NUDT18: variants seen among roughly 807,000 people sequenced by gnomAD.
The protein encoded by NUDT18 is 8-oxo-dGDP phosphatase NUDT18.
Under a neutral mutation model 27.6 loss-of-function variants are expected in NUDT18, and 26 were observed. That is an observed-to-expected ratio of 0.94 (90% confidence interval 0.69 to 1.31). The LOEUF is 1.31. Ranked by LOEUF, NUDT18 falls within the 50% of genes most tolerant of loss-of-function variation. The pLI is 0.00. For missense variants in NUDT18, 450 were observed against 433.4 expected (o/e 1.04, Z -0.34); for synonymous variants, 220 against 196.9 (o/e 1.12, Z -0.98).
At position 22,109,403 on chromosome 8, in the gene NUDT18, G is replaced by A. The variant is rs982181936; in HGVS notation, c.-103C>T. On this transcript the variant is annotated 5_prime_UTR_variant, in exon 1 of 3. Transcript: ENST00000611621. ...CCCGCTCCCAGTCCCTGCGGCAGCGGGCCGGGAGCTCACGAGAACGCGGAA... is the reference window on the plus strand; with the variant it reads ...CCCGCTCCCAGTCCCTGCGGCAGCGAGCCGGGAGCTCACGAGAACGCGGAA... 1 of 1,138,142 alleles carries A rather than the reference G, an allele frequency of 8.8e-7. No individual in the cohort carries two copies. Among genetic ancestry groups the A allele is most frequent in the Non-Finnish European group, 1.1e-6 (1 of 869,882 alleles). 70.5% of individuals were successfully genotyped at this position (1,138,142 alleles called of 1,614,324 possible).
At chr8:22,108,057 A>AG in intron 2 of NUDT18, 76 bp downstream of exon 2, 1 of 1,408,128 alleles carries the variant, frequency 7.1e-7, no homozygotes, top group East Asian at 2.5e-5. Flanking sequence ...CTGGCTGTAG[A>AG]GGGGCTCACC....
chr8:22,108,306 C>T lies in NUDT18; in HGVS notation c.203G>A (p.Arg68Gln), dbSNP rs777602373. The T allele has an allele frequency of 2.6e-5, 42 of 1,588,928 alleles. No individual in the cohort carries two copies. The highest frequency in any genetic ancestry group is 3.4e-5 in the South Asian group (3 of 87,028). Reference protein sequence around the residue: ...LLIQEAKRECRGSWYLPAGRM... With the variant: ...LLIQEAKRECQGSWYLPAGRM... ...CCCCGCAGGCAGGTACCACGACCCC[C>T]GGCACTCCCTCTTGGCCTCCTGGAT... The change falls in exon 2 of 3, where the codon CGG becomes CAG. Residue 68 changes from arginine to glutamine, a missense_variant. By Grantham distance (43) the Arg-to-Gln change is conservative. Transcript: ENST00000611621.
Position 22,109,383 on chromosome 8 carries a change from T to TCCCAGTCCCTGCGGAGCCCGCA in NUDT18, c.-84_-83insTGCGGGCTCCGCAGGGACTGGG. On this transcript the variant is annotated 5_prime_UTR_variant, in exon 1 of 3. Transcript: ENST00000611621. ...GGCTAGAGTGCGCTGCGGAGCCCGC[T>TCCCAGTCCCTGCGGAGCCCGCA]CCCAGTCCCTGCGGCAGCGGGCCGG... 2.3e-6 allele frequency: 3 copies of TCCCAGTCCCTGCGGAGCCCGCA among 1,291,950 alleles called. No individual in the cohort carries two copies. The highest frequency in any genetic ancestry group is 3.0e-6 in the Non-Finnish European group (3 of 1,011,102). 80.0% of individuals were successfully genotyped at this position (1,291,950 alleles called of 1,614,324 possible).
Position 22,107,357 on chromosome 8 carries a change from C to T in NUDT18, c.915G>A (p.Leu305=), listed in dbSNP as rs771051370. 1 of 1,613,394 alleles carries T rather than the reference C, an allele frequency of 6.2e-7. No homozygotes were observed. The highest frequency in any genetic ancestry group is 8.5e-7 in the Non-Finnish European group (1 of 1,179,726). The change falls in exon 3 of 3, where the codon CTG becomes CTA. Residue 305 remains leucine, a synonymous_variant. Coordinates refer to ENST00000611621, the MANE Select transcript of NUDT18 (RefSeq NM_024815.4). ...FSWWKVMEED[L]QSQLLQRLQG... ...GAAGCCGCTGGAGGAGCTGGCTTTG[C>T]AGGTCTTCCTCCATCACCTTCCACC...
In NUDT18 at chr8:22,109,396, G is replaced by GGAGACCGCTCCCAGTCCCTGCA. The variant is rs1240241061; in HGVS notation, c.-97_-96insTGCAGGGACTGGGAGCGGTCTC. ...TGCGGAGCCCGCTCCCAGTCCCTGC[G>GGAGACCGCTCCCAGTCCCTGCA]GCAGCGGGCCGGGAGCTCACGAGAA... On this transcript the variant is annotated 5_prime_UTR_variant, in exon 1 of 3. Transcript: ENST00000611621. 1.7e-5 allele frequency: 20 copies of GGAGACCGCTCCCAGTCCCTGCA among 1,174,090 alleles called. No homozygotes were observed. Among genetic ancestry groups the GGAGACCGCTCCCAGTCCCTGCA allele is most frequent in the Non-Finnish European group, 2.1e-5 (19 of 905,602 alleles). 72.7% of individuals were successfully genotyped at this position (1,174,090 alleles called of 1,614,324 possible).
upstream of NUDT18, chr8:22,109,559 G>T (rs367935910): frequency 4.7e-5 from 24 of 511,658 alleles, no homozygotes; most frequent in South Asian, 3.0e-4. Flanking sequence ...CCCTGGAACT[G>T]GGGGGGCACG....
upstream of NUDT18, chr8:22,109,700 C>T (rs1826439025): frequency 2.2e-6 from 1 of 461,640 alleles, no homozygotes. Flanking sequence ...CCGACGGTGA[C>T]GTCATCTTTC....
Position 22,108,118 on chromosome 8 carries a change from C to G in NUDT18, c.376+15G>C. 6.7e-7 allele frequency: 1 copy of G among 1,489,822 alleles called. No homozygotes were observed. The highest frequency in any genetic ancestry group is 8.9e-7 in the Non-Finnish European group (1 of 1,119,296). 92.3% of individuals were successfully genotyped at this position (1,489,822 alleles called of 1,614,324 possible). A position where few individuals can be genotyped will look rare whatever the true frequency, so the allele number is the denominator to read the frequency against. ...TCAACTGGCCCTGTTCACACTGCCT[C>G]CAGGTGGGCCATACCTGTGGGGCGA... is the stretch of plus-strand genomic sequence containing the variant. On this transcript the variant is annotated intron_variant, in intron 2 of 2. Transcript: ENST00000611621.
upstream of NUDT18, among the ~76,000 whole-genome samples, chr8:22,110,436 C>T (rs1826453281): frequency 6.6e-6 from 1 of 152,398 alleles, no homozygotes; most frequent in African/African-American, 2.4e-5. Context: ...CTTTCCTCTG[C>T]CTCTGATAGT....
chr8:22,107,854 G>A lies in NUDT18; in HGVS notation c.418C>T (p.Leu140=). 2 of 1,604,322 alleles carry A rather than the reference G, an allele frequency of 1.2e-6. No homozygotes were observed. Among genetic ancestry groups the A allele is most frequent in the Non-Finnish European group, 1.7e-6 (2 of 1,174,414 alleles). Residue 140 remains leucine, a synonymous_variant, in exon 3 of 3, where the codon CTG becomes TTG. Coordinates refer to ENST00000611621, the MANE Select transcript of NUDT18 (RefSeq NM_024815.4). The part of the protein sequence containing the change: ...KTSKEADAES[L]QAAWYPRTSL... ...GTCCGTGGGTACCAGGCAGCCTGCA[G>A]GGACTCCGCATCGGCCTCCTTGGAA...
At position 22,109,322 on chromosome 8, in the gene NUDT18, G is replaced by T; in HGVS notation, c.-22C>A. ...CCATCGGGTCCCCCGGGGGGCGGCG[G>T]GCCGGATCCTCGCAGACCGACTGAG... On this transcript the variant is annotated 5_prime_UTR_variant, in exon 1 of 3. Coordinates refer to ENST00000611621, the MANE Select transcript of NUDT18 (RefSeq NM_024815.4). The T allele has an allele frequency of 7.5e-7, 1 of 1,333,590 alleles. No individual in the cohort carries two copies. Among genetic ancestry groups the T allele is most frequent in the Non-Finnish European group, 9.5e-7 (1 of 1,052,150 alleles). The allele number at this position is 1,333,590 out of a possible 1,614,324, so 82.6% of individuals were successfully genotyped here.
intron 1 of NUDT18, 136 bp from the exon 2 acceptor site, chr8:22,108,482 C>T: frequency 1.4e-6 from 1 of 696,088 alleles, no homozygotes; most frequent in Non-Finnish European, 2.4e-6. Flanking sequence ...AGGAGACCTG[C>T]CCTCGTGTCG....
At chr8:22,110,193 C>A (rs924128412), upstream of NUDT18, among the ~76,000 whole-genome samples, 1 of 152,322 alleles carries the variant, frequency 6.6e-6, no homozygotes, top group East Asian at 1.9e-4. Context: ...GCAGATGGTG[C>A]GCCCTGGGAG....
chr8:22,109,724 T>A (rs113997608), upstream of NUDT18: 1,725 of 458,546 alleles, frequency 3.8e-3, 7 homozygotes, highest in East Asian at 0.01. Flanking sequence ...CAGGGCGCGT[T>A]GCGCCGCCGG....
Position 22,109,042 on chromosome 8 carries a change from C to A in NUDT18, c.162+97G>T, listed in dbSNP as rs1479690872. 4 of 957,082 alleles carry A rather than the reference C, an allele frequency of 4.2e-6. No individual in the cohort carries two copies. The South Asian group carries it at 9.3e-5, about 22-fold the overall frequency. 59.3% of individuals were successfully genotyped at this position (957,082 alleles called of 1,614,324 possible). On this transcript the variant is annotated intron_variant, in intron 1 of 2. Transcript: ENST00000611621. The stretch of plus-strand genomic sequence containing the variant: ...CTTTGCAAAACTGGGAAGCGCCACG[C>A]ACGCGGCAGCGCTGGCTGTGGCCGT...
chr8:22,109,146 C>CT lies in NUDT18; in HGVS notation c.154dup (p.Ser52LysfsTer5). ...CCGGGGGCGGCCGCTCACCTGCTCGCTGAGGAACACGGCCAGCACCACGTA... is the reference window on the plus strand; with the variant it reads ...CCGGGGGCGGCCGCTCACCTGCTCGCTTGAGGAACACGGCCAGCACCACGTA... On this transcript the variant is annotated frameshift_variant, in exon 1 of 3. Transcript: ENST00000611621. LOFTEE classifies it high-confidence loss of function. 2 of 1,439,668 alleles carry CT rather than the reference C, an allele frequency of 1.4e-6. No homozygotes were observed. Among genetic ancestry groups the CT allele is most frequent in the Non-Finnish European group, 9.0e-7 (1 of 1,108,152 alleles). The allele number at this position is 1,439,668 out of a possible 1,614,324, so 89.2% of individuals were successfully genotyped here. A position where few individuals can be genotyped will look rare whatever the true frequency, so the allele number is the denominator to read the frequency against.
At chr8:22,108,812 C>A (rs1190945547) in intron 1 of NUDT18, among the ~76,000 whole-genome samples, 1 of 152,224 alleles carries the variant, frequency 6.6e-6, no homozygotes, top group African/African-American at 2.4e-5. Flanking sequence ...CATTACATCG[C>A]CCACTACAGG....
Position 22,109,166 on chromosome 8 carries a change from C to G in NUDT18, c.135G>C (p.Val45=). 6.9e-7 allele frequency: 1 copy of G among 1,453,562 alleles called. No homozygotes were observed. Among genetic ancestry groups the G allele is most frequent in the Non-Finnish European group, 9.0e-7 (1 of 1,113,734 alleles). 90.0% of individuals were successfully genotyped at this position (1,453,562 alleles called of 1,614,324 possible). ...GCTCGCTGAGGAACACGGCCAGCAC[C>G]ACGTAGCACACGTTCTTCCGCAGCC... ...PVRLRKNVCY[V]VLAVFLSEQD... is the part of the protein sequence containing the mutation. Residue 45 remains valine, a synonymous_variant, in exon 1 of 3, where the codon GTG becomes GTC. Coordinates refer to ENST00000611621, the MANE Select transcript of NUDT18 (RefSeq NM_024815.4).
upstream of NUDT18, chr8:22,109,481 G>T (rs1177829060): frequency 3.7e-6 from 2 of 537,470 alleles, no homozygotes; most frequent in Non-Finnish European, 6.0e-6. Context: ...TAGGCTGCGC[G>T]GCGCCGCGGC....
Sources: allele counts gnomAD v4.1 joint callset (sites outside exome capture counted in the v4.1 genomes callset), GRCh38; gene constraint gnomAD v4.1.1; transcripts MANE v1.5; gene names NCBI Gene and HGNC (gene_info 2026-07-23, HGNC 2026-07-21).